The following ERBB4 variants were observed in gnomAD, a reference collection of about 807,000 sequenced individuals.
ERBB4 encodes the protein receptor tyrosine-protein kinase erbB-4.
ERBB4 carries 42 observed loss-of-function variants against 158.0 expected under a neutral mutation model. That is an observed-to-expected ratio of 0.27 (90% CI 0.21 to 0.34). ERBB4 has a LOEUF of 0.34. Among genes scored for constraint, ERBB4 ranks in the 10% least tolerant of loss-of-function variants. The pLI, the probability that ERBB4 is intolerant of heterozygous loss-of-function variation, is 1.00. For synonymous variants in ERBB4, 583 were observed against 558.7 expected, an observed-to-expected ratio of 1.04 and a Z score of -0.61; for missense variants, 1,333 against 1,624.1, an observed-to-expected ratio of 0.82 and a Z score of 3.08.
intron 2 of ERBB4, among the ~76,000 whole-genome samples, chr2:212,013,781 T>G (rs2076447255): frequency 6.6e-6 from 1 of 152,188 alleles, no homozygotes; most frequent in African/African-American, 2.4e-5. Flanking sequence ...ATCAGCCTCC[T>G]GAATATCTGG....
At chr2:212,304,757 A>G (rs917310436) in intron 1 of ERBB4, among the ~76,000 whole-genome samples, 3 of 151,454 alleles carry the variant, frequency 2.0e-5, no homozygotes, top group Non-Finnish European at 3.0e-5. Context: ...TCTAGTAACT[A>G]AAAAAGCTAA....
In ERBB4 at chr2:211,957,840, C is replaced by T. The variant is rs73079347; in HGVS notation, c.235-10224G>A. 9.5e-3 allele frequency among the ~76,000 whole-genome samples: 1,446 copies of T among 152,224 alleles called. 21 individuals carry two copies. Among genetic ancestry groups the T allele is most frequent in the African/African-American group, 0.033 (1,373 of 41,554 alleles). ...AACTGCTTGCTAGCATTTCAATGTA[C>T]AATTAAGAGTGACAGTTTCATGTCT... On this transcript the variant is annotated intron_variant, in intron 2 of 27. Transcript: ENST00000342788.
chr2:211,680,116 G>C (rs2072274007), intron 12 of ERBB4, among the ~76,000 whole-genome samples: 1 of 152,178 alleles, frequency 6.6e-6, no homozygotes, highest in Admixed American at 6.5e-5. Flanking sequence ...GAAGTGTAGA[G>C]ATTAAAGCAG....
rs1206265176 is a variant in ERBB4, at chr2:211,515,896, T to TTATATATATATATATATATATA, written c.2487+46006_2487+46007insTATATATATATATATATATATA. 1.9e-3 allele frequency among the ~76,000 whole-genome samples: 173 copies of TTATATATATATATATATATATA among 88,850 alleles called. 2 individuals carry two copies. Among genetic ancestry groups the TTATATATATATATATATATATA allele is most frequent in the Non-Finnish European group, 2.5e-3 (120 of 47,922 alleles). 58.3% of individuals were successfully genotyped at this position (88,850 alleles called of 152,430 possible). ...TTAGTAACTTATATAAAAACATATA[T>TTATATATATATATATATATATA]TATATATATATATATATTTTTTTTT... On this transcript the variant is annotated intron_variant, in intron 20 of 27. Transcript: ENST00000342788.
chr2:211,395,940 C>A (rs2062906562), intron 25 of ERBB4, among the ~76,000 whole-genome samples: 1 of 150,218 alleles, frequency 6.7e-6, no homozygotes, highest in South Asian at 2.1e-4. Context: ...TCTGTCTATG[C>A]AATAAGATAC....
At chr2:211,552,924 T>C (rs894568187) in intron 20 of ERBB4, among the ~76,000 whole-genome samples, 2 of 152,138 alleles carry the variant, frequency 1.3e-5, no homozygotes, top group Non-Finnish European at 2.9e-5. Context: ...GCTCAGTTCT[T>C]TGCCAGTTCA....
At chr2:211,896,682 A>G (rs1156422884) in intron 3 of ERBB4, among the ~76,000 whole-genome samples, 1 of 152,068 alleles carries the variant, frequency 6.6e-6, no homozygotes, top group African/African-American at 2.4e-5. Context: ...TCATTTTTAA[A>G]ATGACAAATC....
chr2:211,840,716 A>G (rs918887848), intron 3 of ERBB4, among the ~76,000 whole-genome samples: 1 of 152,152 alleles, frequency 6.6e-6, no homozygotes, highest in African/African-American at 2.4e-5. Flanking sequence ...TCAGACAAGA[A>G]GTTGACAGAA....
intron 1 of ERBB4, among the ~76,000 whole-genome samples, chr2:212,347,603 T>C (rs1000068710): frequency 1.3e-5 from 2 of 152,120 alleles, no homozygotes; most frequent in African/African-American, 2.4e-5. Context: ...GTTGCAGATA[T>C]TTGATTGTCT....
chr2:211,569,533 C>CA, intron 19 of ERBB4, among the ~76,000 whole-genome samples: 1 of 152,112 alleles, frequency 6.6e-6, no homozygotes, highest in African/African-American at 2.4e-5. Context: ...AGAGGTATCA[C>CA]AAAAATAAAC....
chr2:211,627,390 C>T (rs373000839), intron 17 of ERBB4, among the ~76,000 whole-genome samples: 28 of 152,162 alleles, frequency 1.8e-4, no homozygotes, highest in African/African-American at 6.8e-4. Context: ...TAGGTTTTCC[C>T]ATGTATGTAA....
chr2:212,104,099 G>A (rs1575637501), intron 2 of ERBB4, among the ~76,000 whole-genome samples: 1 of 152,126 alleles, frequency 6.6e-6, no homozygotes, highest in South Asian at 2.1e-4. Context: ...ACCTCAAACA[G>A]ATTTGTGGAT....
chr2:212,110,662 G>T (rs543485760), intron 2 of ERBB4, among the ~76,000 whole-genome samples: 1 of 152,274 alleles, frequency 6.6e-6, no homozygotes, highest in Admixed American at 6.5e-5. Context: ...TTTTATCACC[G>T]GACTGCTTTC....
At chr2:211,513,798 A>G (rs887011936) in intron 20 of ERBB4, among the ~76,000 whole-genome samples, 3 of 152,038 alleles carry the variant, frequency 2.0e-5, no homozygotes, top group African/African-American at 7.2e-5. Flanking sequence ...TACTAAAACA[A>G]GTGATGAGGA....
intron 25 of ERBB4, among the ~76,000 whole-genome samples, chr2:211,420,103 T>C (rs2125402621): frequency 6.6e-6 from 1 of 152,176 alleles, no homozygotes; most frequent in South Asian, 2.1e-4. Flanking sequence ...GCCTACTTGG[T>C]AGGAATTTTC....
intron 1 of ERBB4, among the ~76,000 whole-genome samples, chr2:212,401,581 T>C (rs1240795933): frequency 6.6e-6 from 1 of 152,040 alleles, no homozygotes; most frequent in Non-Finnish European, 1.5e-5. Context: ...TACACCAAAA[T>C]AAATAAATGA....
At chr2:212,125,959 G>C (rs1024843581) in intron 1 of ERBB4, among the ~76,000 whole-genome samples, 7 of 152,088 alleles carry the variant, frequency 4.6e-5, no homozygotes, top group Non-Finnish European at 8.8e-5. Context: ...TAGGTTGAAT[G>C]GTATTTCTGT....
chr2:211,851,883 ACTTTATTAAACAGT>A (rs1256009604), intron 3 of ERBB4, among the ~76,000 whole-genome samples: 6 of 151,978 alleles, frequency 3.9e-5, no homozygotes. Context: ...TCTACATTTT[ACTTTATTAAACAGT>A]CTGAATATCT....
chr2:211,464,529 T>C (rs1285053157), intron 20 of ERBB4, among the ~76,000 whole-genome samples: 1 of 152,154 alleles, frequency 6.6e-6, no homozygotes, highest in Non-Finnish European at 1.5e-5. Flanking sequence ...TGTATTTAAG[T>C]GACAGCTCTG....
Sources: gnomAD v4.1 joint callset for allele counts (sites outside exome capture counted in the v4.1 genomes callset) on GRCh38, gnomAD v4.1.1 for gene constraint, MANE v1.5 for transcripts, NCBI Gene and HGNC (gene_info 2026-07-23, HGNC 2026-07-21) for gene names.